The following SCAMP2 variants were observed in gnomAD, a reference collection of about 807,000 sequenced individuals.
The protein encoded by SCAMP2 is secretory carrier-associated membrane protein 2.
A neutral mutation model predicts 44.1 loss-of-function variants in SCAMP2; 25 were observed. The observed-to-expected ratio is 0.57, with a 90% CI of 0.41 to 0.79. The LOEUF is 0.79. SCAMP2 is among the 30% of genes least tolerant of loss of function. The pLI is 0.00. For missense variants in SCAMP2, 355 were observed against 411.0 expected, an observed-to-expected ratio of 0.86 and a Z score of 1.18; for synonymous variants, 156 against 166.0, an observed-to-expected ratio of 0.94 and a Z score of 0.46.
chr15:74,866,384 CT>C (rs2064544344), intron 1 of SCAMP2, among the ~76,000 whole-genome samples: 1 of 151,842 alleles, frequency 6.6e-6, no homozygotes, highest in Middle Eastern at 3.2e-3. Flanking sequence ...GCAGGAGCGA[CT>C]TTTGGTTCTT....
chr15:74,846,911 C>T (rs1271432623), intron 7 of SCAMP2, among the ~76,000 whole-genome samples: 1 of 152,020 alleles, frequency 6.6e-6, no homozygotes, highest in African/African-American at 2.4e-5. Context: ...CTGTCTGAGC[C>T]CCATGTCCTC....
Position 74,854,610 on chromosome 15 carries a change from C to A in SCAMP2, c.97G>T (p.Gly33Cys). Reference sequence around the variant, plus strand: ...GAGAAGGGGTTGAATTCCGCCAGGCCGCCCTGCGGGGCGTTGGTCAGCTGG... The same window carrying A: ...GAGAAGGGGTTGAATTCCGCCAGGCAGCCCTGCGGGGCGTTGGTCAGCTGG... ...VTQLTNAPQG[G>C]LAEFNPFSET... The change falls in exon 2 of 9, where the codon GGC (glycine) becomes TGC (cysteine). Residue 33 changes from glycine (G) to cysteine (C), a missense_variant. Gly to Cys is a radical substitution (Grantham distance 159, BLOSUM62 -3). Transcript: ENST00000268099. 1 of 1,608,196 alleles carries A rather than the reference C, an allele frequency of 6.2e-7. No individual in the cohort carries two copies. The highest frequency in any genetic ancestry group is 8.5e-7 in the Non-Finnish European group (1 of 1,177,402).
chr15:74,854,662 A>T lies in SCAMP2; in HGVS notation c.58-13T>A. ...TCACAGAGGGATCCTGAGAAGGTGAAAAAAAGCCCTTAGACACAGTGGAGA... is the reference window on the plus strand; with the variant it reads ...TCACAGAGGGATCCTGAGAAGGTGATAAAAAGCCCTTAGACACAGTGGAGA... On this transcript the variant is annotated splice_polypyrimidine_tract_variant and intron_variant, in intron 1 of 8. Transcript: ENST00000268099. 1 of 1,604,638 alleles carries T rather than the reference A, an allele frequency of 6.2e-7. No homozygotes were observed. The highest frequency in any genetic ancestry group is 8.5e-7 in the Non-Finnish European group (1 of 1,175,656).
chr15:74,854,327 G>C (rs572110087), intron 2 of SCAMP2, among the ~76,000 whole-genome samples: 1 of 152,226 alleles, frequency 6.6e-6, no homozygotes, highest in African/African-American at 2.4e-5. Context: ...GGGCTCGCTG[G>C]GTCCAGCACA....
In SCAMP2 at chr15:74,873,348, G is replaced by C. The variant is rs1486350804; in HGVS notation, c.-93C>G. On this transcript the variant is annotated 5_prime_UTR_variant, in exon 1 of 9. Coordinates refer to ENST00000268099, the MANE Select transcript of SCAMP2 (RefSeq NM_005697.5). ...CTTCGTGTAGACCCTCCACTTCCGGGAGCGAGGCAGCGGTTCTGGCGCAGG... is the reference window on the plus strand; with the variant it reads ...CTTCGTGTAGACCCTCCACTTCCGGCAGCGAGGCAGCGGTTCTGGCGCAGG... 3 of 1,202,706 alleles carry C rather than the reference G, an allele frequency of 2.5e-6. No homozygotes were observed. Among genetic ancestry groups the C allele is most frequent in the Non-Finnish European group, 3.3e-6 (3 of 898,100 alleles). The allele number at this position is 1,202,706 out of a possible 1,614,324, so 74.5% of individuals were successfully genotyped here.
At chr15:74,865,784 C>T (rs1352165422) in intron 1 of SCAMP2, among the ~76,000 whole-genome samples, 1 of 9,304 alleles carries the variant, frequency 1.1e-4, no homozygotes, top group Admixed American at 1.6e-3. Flanking sequence ...CCTCATTTCT[C>T]CAAAAAAAAA....
intron 1 of SCAMP2, among the ~76,000 whole-genome samples, chr15:74,859,389 G>T (rs117176879): frequency 2.0e-5 from 3 of 152,100 alleles, no homozygotes; most frequent in African/African-American, 7.2e-5. Context: ...TGGGGACCAC[G>T]GCAAGGTGCA....
intron 6 of SCAMP2, among the ~76,000 whole-genome samples, chr15:74,850,038 C>T (rs1004732052): frequency 5.3e-5 from 8 of 152,168 alleles, no homozygotes; most frequent in African/African-American, 1.9e-4. Flanking sequence ...TCCAGAACCC[C>T]TGGGGGTCTG....
rs543278089 is a variant in SCAMP2, at chr15:74,866,861, A to G, written c.57+6338T>C. ...ATGCAGGCTGGGGGGCAGTGGTGCAATCTCGGCTCGCTGCAACCTCCGCCT... is the reference window on the plus strand; with the variant it reads ...ATGCAGGCTGGGGGGCAGTGGTGCAGTCTCGGCTCGCTGCAACCTCCGCCT... On this transcript the variant is annotated intron_variant, in intron 1 of 8. Transcript: ENST00000268099. Among the ~76,000 whole-genome samples the G allele has an allele frequency of 1.4e-3, 216 of 149,232 alleles. 1 individual carries two copies. Among genetic ancestry groups the G allele is most frequent in the Non-Finnish European group, 2.5e-3 (168 of 67,648 alleles).
intron 1 of SCAMP2, among the ~76,000 whole-genome samples, chr15:74,871,807 G>A (rs2064577536): frequency 6.6e-6 from 1 of 151,584 alleles, no homozygotes; most frequent in Non-Finnish European, 1.5e-5. Context: ...CACTTTGGGA[G>A]GCTAAGGTGG....
At chr15:74,862,274 A>T in intron 1 of SCAMP2, among the ~76,000 whole-genome samples, 2 of 131,814 alleles carry the variant, frequency 1.5e-5, no homozygotes, top group Non-Finnish European at 1.6e-5. Context: ...AAAAAAAAAA[A>T]AAAAAAAAAA....
intron 2 of SCAMP2, 31 bp downstream of exon 2, chr15:74,854,550 T>G (rs1464517757): frequency 6.4e-7 from 1 of 1,565,870 alleles, no homozygotes; most frequent in Admixed American, 1.8e-5. Context: ...TAGAGGGCCA[T>G]GGGACTTGGA....
At chr15:74,872,233 T>A (rs2064580939) in intron 1 of SCAMP2, among the ~76,000 whole-genome samples, 1 of 151,862 alleles carries the variant, frequency 6.6e-6, no homozygotes, top group Admixed American at 6.6e-5. Context: ...GCCAACACGG[T>A]GAAACCCCGT....
At chr15:74,869,391 G>GA (rs1243359315) in intron 1 of SCAMP2, among the ~76,000 whole-genome samples, 1 of 152,044 alleles carries the variant, frequency 6.6e-6, no homozygotes, top group East Asian at 1.9e-4. Context: ...TCACACTGGA[G>GA]AAAAAATGTA....
chr15:74,858,882 A>G lies in SCAMP2; in HGVS notation c.58-4233T>C, dbSNP rs565121700. 2.9e-3 allele frequency among the ~76,000 whole-genome samples: 386 copies of G among 135,094 alleles called. 1 individual carries two copies. Among genetic ancestry groups the G allele is most frequent in the Non-Finnish European group, 4.5e-3 (293 of 65,828 alleles). 88.6% of individuals were successfully genotyped at this position (135,094 alleles called of 152,430 possible). A position where few individuals can be genotyped will look rare whatever the true frequency, so the allele number is the denominator to read the frequency against. ...GGCTGGAGTGCAGTGGCGCGATCTC[A>G]GCTCACTGCAAGCTCTCCCGGGTTC... On this transcript the variant is annotated intron_variant, in intron 1 of 8. Coordinates refer to ENST00000268099, the MANE Select transcript of SCAMP2 (RefSeq NM_005697.5).
At chr15:74,866,705 C>A (rs923086432) in intron 1 of SCAMP2, among the ~76,000 whole-genome samples, 3 of 152,184 alleles carry the variant, frequency 2.0e-5, no homozygotes, top group South Asian at 4.1e-4. Flanking sequence ...CAGGTCTCTG[C>A]CCTTCCTCCT....
intron 1 of SCAMP2, among the ~76,000 whole-genome samples, chr15:74,860,207 T>G (rs2064494017): frequency 6.6e-6 from 1 of 151,994 alleles, no homozygotes; most frequent in African/African-American, 2.4e-5. Context: ...GAACAGGAGT[T>G]TCAGACCAGC....
intron 7 of SCAMP2, among the ~76,000 whole-genome samples, chr15:74,846,895 T>C (rs971490387): frequency 6.6e-6 from 1 of 152,162 alleles, no homozygotes; most frequent in Admixed American, 6.6e-5. Context: ...GCCAACTTGC[T>C]GTCACCTGTC....
intron 1 of SCAMP2, among the ~76,000 whole-genome samples, chr15:74,867,633 C>T (rs2064551975): frequency 6.6e-6 from 1 of 152,254 alleles, no homozygotes; most frequent in African/African-American, 2.4e-5. Flanking sequence ...GAAGGTCCCA[C>T]TGTCTGCACA....
Sources: gnomAD v4.1 joint callset for allele counts (sites outside exome capture counted in the v4.1 genomes callset) on GRCh38, gnomAD v4.1.1 for gene constraint, MANE v1.5 for transcripts, NCBI Gene and HGNC (gene_info 2026-07-23, HGNC 2026-07-21) for gene names.